The following ZRANB1 variants were observed in gnomAD, a reference collection of about 807,000 sequenced individuals.
ZRANB1 encodes the protein zinc finger RANBP2-type containing 1, also known as ubiquitin thioesterase ZRANB1.
Under a neutral mutation model 80.5 loss-of-function variants are expected in ZRANB1, and 16 were observed. The observed-to-expected ratio is 0.20, with a 90% CI of 0.13 to 0.30. ZRANB1 has a LOEUF of 0.30. ZRANB1 is among the 10% of genes least tolerant of loss of function. The probability of loss-of-function intolerance (pLI) is 1.00; values close to 1 mark genes in which losing one functional copy is unlikely to be tolerated. For missense variants in ZRANB1, 576 were observed against 862.6 expected (o/e 0.67, Z 4.16); for synonymous variants, 291 against 293.1 (o/e 0.99, Z 0.07).
chr10:124,947,396 T>A (rs1396577323), intron 1 of ZRANB1, among the ~76,000 whole-genome samples: 4 of 152,214 alleles, frequency 2.6e-5, no homozygotes, highest in African/African-American at 9.6e-5. Context: ...AGAGCAGCAC[T>A]ACCTAATGCC....
chr10:124,923,085 AAGACCATCCT>A, the ZRANB1 span, among the ~76,000 whole-genome samples: 1 of 151,896 alleles, frequency 6.6e-6, no homozygotes, highest in Non-Finnish European at 1.5e-5. Context: ...TCAGGAGTTC[AAGACCATCCT>A]GGCCAACATG....
the ZRANB1 span, among the ~76,000 whole-genome samples, chr10:124,918,527 A>G: frequency 6.6e-6 from 1 of 152,184 alleles, no homozygotes; most frequent in East Asian, 1.9e-4. Flanking sequence ...TTATATAATG[A>G]GTTATTTCTT....
intron 4 of ZRANB1, 65 bp downstream of exon 4, chr10:124,973,781 G>A: frequency 2.1e-6 from 3 of 1,420,964 alleles, no homozygotes; most frequent in East Asian, 2.3e-5. Context: ...GTTTAGTAAG[G>A]CATGGTGTAG....
the ZRANB1 span, among the ~76,000 whole-genome samples, chr10:124,922,293 TATGTAAA>T: frequency 8.8e-6 from 1 of 113,904 alleles, no homozygotes; most frequent in African/African-American, 2.9e-5. Flanking sequence ...TATATATATA[TATGTAAA>T]ATATATATAT....
At chr10:124,928,056 A>G in the ZRANB1 span, among the ~76,000 whole-genome samples, 1 of 152,130 alleles carries the variant, frequency 6.6e-6, no homozygotes, top group East Asian at 1.9e-4. Context: ...AAATAAATAA[A>G]AGAACTAAGT....
At chr10:124,970,436 GT>G (rs199970133) in intron 2 of ZRANB1, among the ~76,000 whole-genome samples, 2 of 151,818 alleles carry the variant, frequency 1.3e-5, no homozygotes, top group Admixed American at 1.3e-4. Context: ...ATATTTTGGG[GT>G]TTTTTGTAGA....
At chr10:124,972,778 T>G (rs7907068) in intron 3 of ZRANB1, among the ~76,000 whole-genome samples, 55 of 148,320 alleles carry the variant, frequency 3.7e-4, no homozygotes, top group African/African-American at 1.0e-3. Flanking sequence ...TTGTTGCTGT[T>G]TTTTTTTTTT....
chr10:124,976,961 T>C (rs1951881609), intron 5 of ZRANB1, among the ~76,000 whole-genome samples: 1 of 151,418 alleles, frequency 6.6e-6, no homozygotes, highest in Non-Finnish European at 1.5e-5. Flanking sequence ...GTGATGAGGG[T>C]TTTTGGTGGT....
chr10:124,950,461 C>T (rs534730236), intron 1 of ZRANB1, among the ~76,000 whole-genome samples: 46 of 152,162 alleles, frequency 3.0e-4, no homozygotes, highest in African/African-American at 1.0e-3. Context: ...GTATTGGTAA[C>T]GTTTTCTTAT....
At chr10:124,936,415 G>C in the ZRANB1 span, among the ~76,000 whole-genome samples, 2 of 152,306 alleles carry the variant, frequency 1.3e-5, no homozygotes, top group African/African-American at 4.8e-5. Flanking sequence ...GTGATTCTGA[G>C]TTCTCTGCTG....
intron 5 of ZRANB1, among the ~76,000 whole-genome samples, chr10:124,978,841 C>T (rs1014498457): frequency 3.9e-5 from 5 of 127,736 alleles, no homozygotes; most frequent in Admixed American, 1.8e-4. Context: ...GACGGGGTTT[C>T]GCTATGTTGC....
intron 1 of ZRANB1, among the ~76,000 whole-genome samples, chr10:124,964,067 T>G (rs1374839989): frequency 6.6e-6 from 1 of 152,242 alleles, no homozygotes; most frequent in African/African-American, 2.4e-5. Context: ...GTTTGTAGTT[T>G]AATGCAGAGC....
At chr10:124,946,384 C>T (rs1418095554) in intron 1 of ZRANB1, 1 of 148,324 alleles carries the variant, frequency 6.7e-6, no homozygotes, top group African/African-American at 2.5e-5. Context: ...CACCATTGCA[C>T]TGCAGCCTGG....
intron 1 of ZRANB1, among the ~76,000 whole-genome samples, chr10:124,958,885 C>G (rs1391286130): frequency 6.6e-6 from 1 of 152,206 alleles, no homozygotes; most frequent in Non-Finnish European, 1.5e-5. Context: ...AAATACACAT[C>G]TCCAGTCCCA....
chr10:124,933,727 G>A, the ZRANB1 span, among the ~76,000 whole-genome samples: 1 of 152,176 alleles, frequency 6.6e-6, no homozygotes, highest in East Asian at 1.9e-4. Context: ...TTTAAGGTAC[G>A]TGATTGACCT....
upstream of ZRANB1, among the ~76,000 whole-genome samples, chr10:124,938,710 T>C (rs1475010399): frequency 6.6e-6 from 1 of 150,984 alleles, no homozygotes; most frequent in East Asian, 1.9e-4. Context: ...CATTACGTTT[T>C]TTTTTTTTTT....
At chr10:124,947,002 A>C (rs1951591164) in intron 1 of ZRANB1, among the ~76,000 whole-genome samples, 1 of 152,194 alleles carries the variant, frequency 6.6e-6, no homozygotes, top group African/African-American at 2.4e-5. Context: ...AAAAATTGCA[A>C]CCTCAGGTCA....
chr10:124,924,515 A>G, the ZRANB1 span, among the ~76,000 whole-genome samples: 1 of 152,118 alleles, frequency 6.6e-6, no homozygotes, highest in Non-Finnish European at 1.5e-5. Flanking sequence ...GCAACCACTA[A>G]TCTACTTTGT....
chr10:124,983,105 A>G lies in ZRANB1; in HGVS notation c.1549-70A>G. Reference sequence around the variant, plus strand: ...GATAGTATACTGAAGGGGAGGTAGTATTGTTTTTTACACATCAGTTTTCCA... The same window carrying G: ...GATAGTATACTGAAGGGGAGGTAGTGTTGTTTTTTACACATCAGTTTTCCA... On this transcript the variant is annotated intron_variant, in intron 6 of 8. Coordinates refer to ENST00000359653, the MANE Select transcript of ZRANB1 (RefSeq NM_017580.3). This position sits in a 1 kb window ranked among gnomAD's most constrained non-coding sequence, Gnocchi z 6.2. 6.6e-7 allele frequency: 1 copy of G among 1,509,960 alleles called. No homozygotes were observed. Among genetic ancestry groups the G allele is most frequent in the African/African-American group, 1.4e-5 (1 of 71,762 alleles). The allele number at this position is 1,509,960 out of a possible 1,614,324, so 93.5% of individuals were successfully genotyped here.
Sources: gnomAD v4.1 joint callset for allele counts (sites outside exome capture counted in the v4.1 genomes callset) on GRCh38, gnomAD v4.1.1 for gene constraint, Gnocchi (gnomAD v3.1) non-coding constraint, MANE v1.5 for transcripts, NCBI Gene and HGNC (gene_info 2026-07-23, HGNC 2026-07-21) for gene names.